Variants in FRMD8 observed in about 807,000 individuals in gnomAD.
FRMD8 encodes FERM domain containing 8, also known as FERM domain-containing protein 8.
Under a neutral mutation model 54.2 loss-of-function variants are expected in FRMD8, and 37 were observed. The ratio of observed to expected loss-of-function variants is 0.68; its 90% CI spans 0.53 to 0.90. FRMD8 has a LOEUF of 0.90. Among genes scored for constraint, FRMD8 ranks in the 40% least tolerant of loss-of-function variants. The pLI is 0.00. For missense variants in FRMD8, 585 were observed against 653.7 expected (o/e 0.89, Z 1.15); for synonymous variants, 246 against 286.9 (o/e 0.86, Z 1.44).
intron 10 of FRMD8, among the ~76,000 whole-genome samples, chr11:65,405,729 G>C (rs527553745): frequency 6.6e-6 from 1 of 152,258 alleles, no homozygotes; most frequent in Admixed American, 6.5e-5. Context: ...GCCGGGTGCA[G>C]TGTCTCACAC....
At position 65,397,168 on chromosome 11, in the gene FRMD8, G is replaced by A. The variant is rs183634700; in HGVS notation, c.803+148G>A. On this transcript the variant is annotated intron_variant, in intron 7 of 10. Coordinates refer to ENST00000317568, the MANE Select transcript of FRMD8 (RefSeq NM_031904.5). ...TGTCACGAGCACCTCAGGCCCCACC[G>A]TTCCAAGCTGGGCACCTGTCCTCCC... 64 of 464,662 alleles carry A rather than the reference G, an allele frequency of 1.4e-4. 1 individual carries two copies. The highest frequency in any genetic ancestry group is 2.1e-4 in the Non-Finnish European group (57 of 267,742). 28.8% of individuals were successfully genotyped at this position (464,662 alleles called of 1,614,324 possible).
Position 65,404,461 on chromosome 11 carries a change from C to T in FRMD8, c.1072-403C>T, listed in dbSNP as rs894730002. The stretch of plus-strand genomic sequence containing the variant: ...GCCCGCCCCTGCCCTGGTGACATCG[C>T]GCCCCTTCCTCCTGGCTGCAGGTTT... On this transcript the variant is annotated intron_variant, in intron 9 of 10. Coordinates refer to ENST00000317568, the MANE Select transcript of FRMD8 (RefSeq NM_031904.5). This position sits in a 1 kb window ranked among gnomAD's most constrained non-coding sequence, Gnocchi z 4.7. 6.6e-5 allele frequency among the ~76,000 whole-genome samples: 10 copies of T among 151,930 alleles called. No individual in the cohort carries two copies. The highest frequency in any genetic ancestry group is 2.2e-4 in the African/African-American group (9 of 41,354).
At chr11:65,379,314 G>A in the FRMD8 span, 2 of 1,578,782 alleles carry the variant, frequency 1.3e-6, no homozygotes, top group African/African-American at 1.3e-5. Flanking sequence ...CAGGGTGGGA[G>A]AGGACAGATC....
the FRMD8 span, among the ~76,000 whole-genome samples, chr11:65,374,422 C>T: frequency 1.4e-5 from 2 of 141,554 alleles, no homozygotes; most frequent in East Asian, 1.9e-4. Flanking sequence ...GATTTACCCG[C>T]GGTGTGACCT....
At position 65,400,845 on chromosome 11, in the gene FRMD8, T is replaced by G. The variant is rs1856061055; in HGVS notation, c.1049T>G (p.Leu350Arg). Residue 350 changes from leucine (L) to arginine (R), a missense_variant, in exon 9 of 11, where the codon CTC becomes CGC. Leu to Arg is a moderately radical substitution (Grantham distance 102). Coordinates refer to ENST00000317568, the MANE Select transcript of FRMD8 (RefSeq NM_031904.5). The surrounding 1 kb of genome is among the most constrained non-coding windows in gnomAD (Gnocchi z 4.3). Reference protein sequence around the residue: ...GDSEGTPVNKLLKIYSKQAEL... With the variant: ...GDSEGTPVNKRLKIYSKQAEL... Reference sequence around the variant, plus strand: ...AGCGAGGGCACACCTGTCAACAAGCTCCTCAAGATCTACTCCAAGCAGGTA... The same window carrying G: ...AGCGAGGGCACACCTGTCAACAAGCGCCTCAAGATCTACTCCAAGCAGGTA... 6.2e-7 allele frequency: 1 copy of G among 1,610,686 alleles called. No homozygotes were observed. The highest frequency in any genetic ancestry group is 1.3e-5 in the African/African-American group (1 of 74,716).
intron 7 of FRMD8, among the ~76,000 whole-genome samples, chr11:65,397,674 C>T (rs978051324): frequency 2.0e-5 from 3 of 152,136 alleles, no homozygotes; most frequent in Non-Finnish European, 4.4e-5. Context: ...GAGCTGGGGG[C>T]GGCACTGTGG....
chr11:65,382,123 GT>G (rs1342701995), upstream of FRMD8: 1 of 655,094 alleles, frequency 1.5e-6, no homozygotes, highest in African/African-American at 1.8e-5. The surrounding 1 kb of genome is among the most constrained non-coding windows in gnomAD (Gnocchi z 4.4). Context: ...GAGCGAGCCA[GT>G]TCCGGTGACC....
chr11:65,412,041 G>A lies in FRMD8; in HGVS notation c.*681G>A, dbSNP rs968088640. The stretch of plus-strand genomic sequence containing the variant: ...CAGGCAGGGCCCTACCTGGGGTCCT[G>A]TGCCCCTCGTTCTGGTCTCCTTTGC... On this transcript the variant is annotated 3_prime_UTR_variant, in exon 11 of 11. Coordinates refer to ENST00000317568, the MANE Select transcript of FRMD8 (RefSeq NM_031904.5). The A allele has an allele frequency of 2.0e-5, 3 of 152,240 alleles. No homozygotes were observed. Among genetic ancestry groups the A allele is most frequent in the African/African-American group, 7.2e-5 (3 of 41,440 alleles). The allele number at this position is 152,240 out of a possible 1,614,324, so 9.4% of individuals were successfully genotyped here.
rs1447437982 is a variant in FRMD8 at position 65,413,124 on chromosome 11, G to A, written c.*1764G>A. Reference sequence around the variant, plus strand: ...CTGCCTCAGCCTCCTGAGTAGCTGGGATTACAGGTGCATGCCACCAGGCCC... The same window carrying A: ...CTGCCTCAGCCTCCTGAGTAGCTGGAATTACAGGTGCATGCCACCAGGCCC... On this transcript the variant is annotated 3_prime_UTR_variant, in exon 11 of 11. Transcript: ENST00000317568. 6.6e-6 allele frequency: 1 copy of A among 152,312 alleles called. No individual in the cohort carries two copies. Among genetic ancestry groups the A allele is most frequent in the Non-Finnish European group, 1.5e-5 (1 of 68,132 alleles). The allele number at this position is 152,312 out of a possible 1,614,324, so 9.4% of individuals were successfully genotyped here.
At chr11:65,409,057 G>T (rs1339230808) in intron 10 of FRMD8, among the ~76,000 whole-genome samples, 5 of 151,876 alleles carry the variant, frequency 3.3e-5, no homozygotes, top group Non-Finnish European at 7.4e-5. Context: ...AAGGGAACTT[G>T]TCTGGGCTGG....
intron 3 of FRMD8, among the ~76,000 whole-genome samples, chr11:65,392,270 C>T (rs951335505): frequency 6.6e-6 from 1 of 152,152 alleles, no homozygotes; most frequent in African/African-American, 2.4e-5. Context: ...GCTGTGGCTG[C>T]TCTTCCAGGT....
At chr11:65,372,095 A>T in the FRMD8 span, among the ~76,000 whole-genome samples, 1 of 151,428 alleles carries the variant, frequency 6.6e-6, no homozygotes, top group Non-Finnish European at 1.5e-5. Context: ...TGTTTTTAGT[A>T]GAGATGGGGT....
the FRMD8 span, chr11:65,377,379 G>A: frequency 2.4e-6 from 3 of 1,240,672 alleles, no homozygotes; most frequent in Non-Finnish European, 2.0e-6. Flanking sequence ...CTTTTTGCAG[G>A]AGCAGGTTGG....
the FRMD8 span, among the ~76,000 whole-genome samples, chr11:65,374,425 T>C: frequency 7.0e-6 from 1 of 141,862 alleles, no homozygotes; most frequent in Non-Finnish European, 1.6e-5. Context: ...TTACCCGCGG[T>C]GTGACCTAGG....
In FRMD8 at chr11:65,389,680, T is replaced by C. The variant is rs559168703; in HGVS notation, c.253+152T>C. The C allele has an allele frequency of 2.7e-4, 211 of 772,558 alleles. No homozygotes were observed. In the African/African-American group the frequency reaches 3.3e-3, roughly 12 times the overall value. The allele number at this position is 772,558 out of a possible 1,614,324, so 47.9% of individuals were successfully genotyped here. On this transcript the variant is annotated intron_variant, in intron 3 of 10. Coordinates refer to ENST00000317568, the MANE Select transcript of FRMD8 (RefSeq NM_031904.5). ...TTGGGTTTATCCTGAGCTGTCCACC[T>C]GTCTGAGCACCTAGAGCCCTGAGAA...
rs371885837 is a variant in FRMD8, at chr11:65,388,331, C to T, written c.86-1030C>T. ...CCTGAGAAGTAGATCTGAACCTGAG[C>T]CTCCTCGAAGTGATTTTGTGATCTC... is the stretch of plus-strand genomic sequence containing the variant. On this transcript the variant is annotated intron_variant, in intron 2 of 10. Transcript: ENST00000317568. 9.2e-5 allele frequency among the ~76,000 whole-genome samples: 14 copies of T among 152,244 alleles called. 1 individual carries two copies. In the East Asian group the frequency reaches 2.1e-3, roughly 23 times the overall value.
At chr11:65,375,903 A>C in the FRMD8 span, 8 of 159,924 alleles carry the variant, frequency 5.0e-5, no homozygotes, top group East Asian at 1.8e-4. Context: ...TCTACTAAAA[A>C]TACAAAAATT....
rs925819729 is a variant in FRMD8, at chr11:65,393,691, G to T, written c.355+17G>T. On this transcript the variant is annotated intron_variant, in intron 4 of 10. Transcript: ENST00000317568. ...TGGCCATGGGTCAGTGCTGCTGCCT[G>T]TCTGTCCTTGCCTCGGGACCACCTG... 23 of 1,588,318 alleles carry T rather than the reference G, an allele frequency of 1.4e-5. No homozygotes were observed. In the African/African-American group the frequency reaches 2.3e-4, roughly 16 times the overall value.
At chr11:65,402,865 C>G (rs1181335025) in intron 9 of FRMD8, among the ~76,000 whole-genome samples, 13 of 149,068 alleles carry the variant, frequency 8.7e-5, no homozygotes, top group Admixed American at 8.7e-4. Flanking sequence ...TTTTTAATTT[C>G]AATTTCCAAT....
Sources: gnomAD v4.1 joint callset for allele counts (sites outside exome capture counted in the v4.1 genomes callset) on GRCh38, gnomAD v4.1.1 for gene constraint, Gnocchi (gnomAD v3.1) non-coding constraint, MANE v1.5 for transcripts, NCBI Gene and HGNC (gene_info 2026-07-23, HGNC 2026-07-21) for gene names.